Variants in ANGPTL5 observed in about 807,000 individuals in gnomAD.
The protein encoded by ANGPTL5 is angiopoietin-related protein 5.
In ANGPTL5, 34 loss-of-function variants were observed where a neutral mutation model predicts 39.4. The ratio of observed to expected loss-of-function variants is 0.86; its 90% CI spans 0.66 to 1.15. The LOEUF is 1.15. Ranked by LOEUF, ANGPTL5 falls within the 50% of genes most tolerant of loss-of-function variation. The pLI is 0.00. For missense variants in ANGPTL5, 467 were observed against 457.5 expected (o/e 1.02, Z -0.19); for synonymous variants, 146 against 152.1 (o/e 0.96, Z 0.29).
intron 6 of ANGPTL5, among the ~76,000 whole-genome samples, 199 bp downstream of exon 6, chr11:101,902,418 CTCTA>C (rs1369260442): frequency 3.3e-5 from 5 of 152,192 alleles, no homozygotes; most frequent in African/African-American, 1.2e-4. Flanking sequence ...GAAAGACAGA[CTCTA>C]GCTCTTTTAT....
chr11:101,903,305 C>T (rs773030325), intron 5 of ANGPTL5, among the ~76,000 whole-genome samples: 2 of 152,114 alleles, frequency 1.3e-5, no homozygotes, highest in South Asian at 2.1e-4. Flanking sequence ...TATAGCACCC[C>T]ATAATCACCT....
In ANGPTL5 at chr11:101,891,279, T is replaced by C. The variant is rs1939686858; in HGVS notation, c.1167A>G (p.Ter389=). 6.3e-7 allele frequency: 1 copy of C among 1,598,202 alleles called. No homozygotes were observed. The highest frequency in any genetic ancestry group is 1.7e-5 in the Admixed American group (1 of 59,838). ...ACTTGCATTACAATGTTAAATGAGA[T>C]TATTTAAAATATGGATTGTACATTC... The part of the protein sequence containing the change: ...IRRMYNPYFK[*] Residue 389 remains the stop codon, a stop_retained_variant, in exon 9 of 9, where the codon TAA becomes TAG. Transcript: ENST00000334289.
chr11:101,904,426 C>A (rs975211073), intron 5 of ANGPTL5, among the ~76,000 whole-genome samples: 1 of 152,044 alleles, frequency 6.6e-6, no homozygotes, highest in Non-Finnish European at 1.5e-5. Flanking sequence ...TTTTATGCCC[C>A]AATTTGAAAC....
At chr11:101,891,681 C>T in intron 8 of ANGPTL5, 83 bp from the exon 9 acceptor site, 1 of 1,302,632 alleles carries the variant, frequency 7.7e-7, no homozygotes, top group Non-Finnish European at 1.1e-6. Flanking sequence ...TAGGCAAGAG[C>T]ACCACATCTG....
rs959896586 is a variant in ANGPTL5, at chr11:101,892,611, A to G, written c.848-1013T>C. On this transcript the variant is annotated intron_variant, in intron 8 of 8. Transcript: ENST00000334289. ...TATCTTGTCCAAGATGACCCAGTTAACTCAGTGGCAGGAGCAGGAGTCATA... is the reference window on the plus strand; with the variant it reads ...TATCTTGTCCAAGATGACCCAGTTAGCTCAGTGGCAGGAGCAGGAGTCATA... Among the ~76,000 whole-genome samples, 19 of 152,258 alleles carry G rather than the reference A, an allele frequency of 1.2e-4. No individual in the cohort carries two copies. In the East Asian group the frequency reaches 2.3e-3, roughly 19 times the overall value.
chr11:101,904,527 T>C (rs1939964951), intron 5 of ANGPTL5, among the ~76,000 whole-genome samples: 2 of 152,188 alleles, frequency 1.3e-5, no homozygotes, highest in South Asian at 4.1e-4. Context: ...TAATAAGATA[T>C]AAACTGGGAG....
rs1275632825 is a variant in ANGPTL5, at chr11:101,916,327, T to TC, written c.-402dup. ...TCAACAATTTGTATTGAGTGCCTGC[T>TC]CTTTGGCTGACTCTGTTCTAGGTTC... On this transcript the variant is annotated 5_prime_UTR_variant, in exon 1 of 9. Transcript: ENST00000334289. 6.6e-6 allele frequency: 1 copy of TC among 152,264 alleles called. No individual in the cohort carries two copies. The highest frequency in any genetic ancestry group is 2.4e-5 in the African/African-American group (1 of 41,476). The allele number at this position is 152,264 out of a possible 1,614,324, so 9.4% of individuals were successfully genotyped here.
At chr11:101,901,815 C>CGGTAGTATTTACTTAGAAAAAAAG (rs1939905058) in intron 6 of ANGPTL5, among the ~76,000 whole-genome samples, 1 of 151,570 alleles carries the variant, frequency 6.6e-6, no homozygotes, top group South Asian at 2.1e-4. Context: ...GAAGAGAAAC[C>CGGTAGTATTTACTTAGAAAAAAAG]GGTAGTATTT....
At chr11:101,902,794 T>C in intron 5 of ANGPTL5, 73 bp from the exon 6 acceptor site, 5 of 900,250 alleles carry the variant, frequency 5.6e-6, no homozygotes, top group South Asian at 1.4e-5. Flanking sequence ...CTATAGAGAA[T>C]TGATAGTGCT....
chr11:101,903,430 C>A (rs1939942630), intron 5 of ANGPTL5, among the ~76,000 whole-genome samples: 1 of 152,106 alleles, frequency 6.6e-6, no homozygotes, highest in Non-Finnish European at 1.5e-5. Flanking sequence ...ATAAATTCAA[C>A]CCTTAGAGCG....
At chr11:101,897,454 G>A (rs958955807) in intron 7 of ANGPTL5, among the ~76,000 whole-genome samples, 18 of 152,184 alleles carry the variant, frequency 1.2e-4, no homozygotes, top group African/African-American at 4.1e-4. Context: ...GAATGGAATT[G>A]CCTAGGTTTT....
rs1400951905 is a variant in ANGPTL5, at chr11:101,891,465, G to C, written c.981C>G (p.Leu327=). 9.3e-6 allele frequency: 15 copies of C among 1,614,070 alleles called. No individual in the cohort carries two copies. The highest frequency in any genetic ancestry group is 1.3e-5 in the Non-Finnish European group (15 of 1,179,990). ...NGQSVKSCSH[L]HNKTGWWFNE... ...TAAACCACCAGCCGGTCTTGTTATG[G>C]AGGTGACTGCAGCTCTTCACAGACT... Residue 327 remains leucine, a synonymous_variant, in exon 9 of 9, where the codon CTC becomes CTG. Coordinates refer to ENST00000334289, the MANE Select transcript of ANGPTL5 (RefSeq NM_178127.5).
chr11:101,914,763 T>C (rs1256317223), intron 1 of ANGPTL5, among the ~76,000 whole-genome samples: 1 of 152,200 alleles, frequency 6.6e-6, no homozygotes, highest in Non-Finnish European at 1.5e-5. Flanking sequence ...CTGAGGATTT[T>C]ACATCTGTCT....
At chr11:101,907,356 G>A (rs1156829134) in intron 2 of ANGPTL5, 109 bp from the exon 3 acceptor site, 1 of 704,322 alleles carries the variant, frequency 1.4e-6, no homozygotes, top group African/African-American at 1.8e-5. Context: ...GGAAAGACAA[G>A]GCTGATCATT....
chr11:101,897,151 G>T (rs180973301), intron 7 of ANGPTL5, among the ~76,000 whole-genome samples: 3 of 152,202 alleles, frequency 2.0e-5, no homozygotes, highest in African/African-American at 4.8e-5. Flanking sequence ...CTTAAATGTC[G>T]TCTTTTGAAA....
Position 101,891,220 on chromosome 11 carries a change from C to T in ANGPTL5, c.*59G>A. The stretch of plus-strand genomic sequence containing the variant: ...TTGAAACACTAAGTGAAAAGATAAA[C>T]TTTTAAAAATCTTTAATATATTATC... On this transcript the variant is annotated 3_prime_UTR_variant, in exon 9 of 9. Coordinates refer to ENST00000334289, the MANE Select transcript of ANGPTL5 (RefSeq NM_178127.5). 1 of 1,471,508 alleles carries T rather than the reference C, an allele frequency of 6.8e-7. No individual in the cohort carries two copies. The highest frequency in any genetic ancestry group is 1.3e-5 in the South Asian group (1 of 78,836). 91.2% of individuals were successfully genotyped at this position (1,471,508 alleles called of 1,614,324 possible). A position where few individuals can be genotyped will look rare whatever the true frequency, so the allele number is the denominator to read the frequency against.
At chr11:101,895,178 G>T in intron 7 of ANGPTL5, 114 bp from the exon 8 acceptor site, 1 of 873,816 alleles carries the variant, frequency 1.1e-6, no homozygotes, top group Non-Finnish European at 1.7e-6. Context: ...GCTCAGATAA[G>T]TAATTAAAGG....
intron 8 of ANGPTL5, 137 bp downstream of exon 8, chr11:101,894,742 A>C: frequency 1.1e-6 from 1 of 874,850 alleles, no homozygotes; most frequent in Non-Finnish European, 1.8e-6. Flanking sequence ...AGACTTGGCC[A>C]GCTTTCTTAT....
chr11:101,908,756 G>A (rs1940042035), intron 1 of ANGPTL5, among the ~76,000 whole-genome samples: 1 of 148,210 alleles, frequency 6.7e-6, no homozygotes, highest in Non-Finnish European at 1.5e-5. Flanking sequence ...ACTCCAGCCT[G>A]GGCGAAAGAG....
Sources: allele counts gnomAD v4.1 joint callset (sites outside exome capture counted in the v4.1 genomes callset), GRCh38; gene constraint gnomAD v4.1.1; transcripts MANE v1.5; gene names NCBI Gene and HGNC (gene_info 2026-07-23, HGNC 2026-07-21).